FGF12: variants seen among roughly 807,000 people sequenced by gnomAD.
The protein encoded by FGF12 is fibroblast growth factor 12B.
A neutral mutation model predicts 23.6 loss-of-function variants in FGF12; 14 were observed. The ratio of observed to expected loss-of-function variants is 0.59; its 90% CI spans 0.39 to 0.93. FGF12 has a LOEUF of 0.93. FGF12 is among the 40% of genes least tolerant of loss of function. FGF12 has a pLI of 0.00. For missense variants in FGF12, 175 were observed against 217.8 expected (o/e 0.80, Z 1.24); for synonymous variants, 62 against 77.3 (o/e 0.80, Z 1.04).
chr3:192,727,024 C>T, intron 2 of FGF12, 157 bp downstream of exon 2: 1 of 892,296 alleles, frequency 1.1e-6, no homozygotes, highest in East Asian at 2.7e-5. Flanking sequence ...AGTCGCCTTC[C>T]TGCCACACTT....
At chr3:192,276,616 G>A (rs1168746691) in intron 4 of FGF12, among the ~76,000 whole-genome samples, 2 of 152,042 alleles carry the variant, frequency 1.3e-5, no homozygotes, top group South Asian at 2.1e-4. Context: ...CTGCCTCTCA[G>A]TTCCAATTTT....
chr3:192,625,499 T>G (rs573250906), intron 2 of FGF12, among the ~76,000 whole-genome samples: 4 of 152,210 alleles, frequency 2.6e-5, no homozygotes, highest in Admixed American at 2.6e-4. Flanking sequence ...TATTAAAAAT[T>G]TAAAAATGAG....
intron 4 of FGF12, among the ~76,000 whole-genome samples, chr3:192,334,189 G>A (rs1419304070): frequency 6.6e-6 from 1 of 152,080 alleles, no homozygotes; most frequent in Non-Finnish European, 1.5e-5. Context: ...CCTGTGCTTT[G>A]GGAGAGACAG....
At chr3:192,682,427 T>C (rs73195158) in intron 2 of FGF12, among the ~76,000 whole-genome samples, 248 of 152,306 alleles carry the variant, frequency 1.6e-3, no homozygotes, top group Middle Eastern at 0.01. Flanking sequence ...TGCTGTTTAC[T>C]AATAACTAGC....
At chr3:192,207,091 T>C (rs1378720066) in intron 4 of FGF12, among the ~76,000 whole-genome samples, 1 of 152,204 alleles carries the variant, frequency 6.6e-6, no homozygotes, top group Admixed American at 6.5e-5. Flanking sequence ...ATCAAAGCTA[T>C]AGGCTTTATT....
chr3:192,181,556 CT>C (rs1393425215), intron 4 of FGF12, among the ~76,000 whole-genome samples: 1 of 151,774 alleles, frequency 6.6e-6, no homozygotes, highest in Non-Finnish European at 1.5e-5. Flanking sequence ...CACGATGTAA[CT>C]CATGGTCAGT....
chr3:192,672,906 A>G (rs1717180172), intron 2 of FGF12: 1 of 150,942 alleles, frequency 6.6e-6, no homozygotes, highest in Non-Finnish European at 1.5e-5. Context: ...TAGGCAAGAC[A>G]CACTTGGAAA....
At chr3:192,183,860 C>T (rs1046949009) in intron 4 of FGF12, among the ~76,000 whole-genome samples, 1 of 152,220 alleles carries the variant, frequency 6.6e-6, no homozygotes, top group Non-Finnish European at 1.5e-5. Flanking sequence ...GGTCTGCCCT[C>T]TCTTTGCCAC....
intron 2 of FGF12, among the ~76,000 whole-genome samples, chr3:192,465,068 G>C (rs1224772553): frequency 6.6e-6 from 1 of 151,984 alleles, no homozygotes; most frequent in Non-Finnish European, 1.5e-5. Flanking sequence ...TATTTCTGTG[G>C]GTGTATAATA....
At chr3:192,313,755 A>G (rs774974866) in intron 4 of FGF12, among the ~76,000 whole-genome samples, 1 of 152,202 alleles carries the variant, frequency 6.6e-6, no homozygotes, top group Non-Finnish European at 1.5e-5. Flanking sequence ...CTATGTATGC[A>G]TATCTATGCT....
At chr3:192,588,202 T>C (rs1653545321) in intron 2 of FGF12, among the ~76,000 whole-genome samples, 1 of 150,074 alleles carries the variant, frequency 6.7e-6, no homozygotes, top group African/African-American at 2.4e-5. Context: ...TACAAAAAAT[T>C]AGCCGGGTGT....
At chr3:192,358,289 TGGTA>T (rs1560083906) in intron 3 of FGF12, among the ~76,000 whole-genome samples, 1 of 152,004 alleles carries the variant, frequency 6.6e-6, no homozygotes, top group African/African-American at 2.4e-5. Context: ...TTAAAGCTAG[TGGTA>T]GGTATCCAGA....
At chr3:192,665,593 C>T (rs1219880948) in intron 2 of FGF12, among the ~76,000 whole-genome samples, 2 of 78,578 alleles carry the variant, frequency 2.5e-5, no homozygotes, top group East Asian at 3.3e-4. Context: ...ACGTCACACA[C>T]GGGGGCCTTT....
chr3:192,645,230 C>T lies in FGF12; in HGVS notation c.13+81951G>A, dbSNP rs146334734. Among the ~76,000 whole-genome samples the T allele has an allele frequency of 4.0e-3, 613 of 151,940 alleles. 6 individuals carry two copies. The highest frequency in any genetic ancestry group is 0.014 in the African/African-American group (587 of 41,428). The stretch of plus-strand genomic sequence containing the variant: ...ACTATTAGATTTAGAAAGCTCACAG[C>T]GGTGTGAGGTATGAATTAAATAAGA... On this transcript the variant is annotated intron_variant, in intron 2 of 5. Transcript: ENST00000445105.
chr3:192,631,276 G>T (rs1044582508), intron 2 of FGF12, among the ~76,000 whole-genome samples: 1 of 152,116 alleles, frequency 6.6e-6, no homozygotes, highest in Non-Finnish European at 1.5e-5. Flanking sequence ...TAGGTCCTAC[G>T]ACTCTGATGC....
intron 2 of FGF12, among the ~76,000 whole-genome samples, chr3:192,649,846 C>T (rs1369096910): frequency 1.3e-5 from 2 of 152,040 alleles, no homozygotes; most frequent in Admixed American, 6.5e-5. Context: ...CAGGTGTGGT[C>T]CCTGGCCTTT....
chr3:192,550,875 T>C (rs1711511920), intron 2 of FGF12, among the ~76,000 whole-genome samples: 1 of 152,224 alleles, frequency 6.6e-6, no homozygotes, highest in African/African-American at 2.4e-5. Flanking sequence ...TACCTTTTTC[T>C]CTCTCTTTAC....
chr3:192,570,891 G>T (rs1001036281), intron 2 of FGF12, among the ~76,000 whole-genome samples: 1 of 152,130 alleles, frequency 6.6e-6, no homozygotes, highest in Non-Finnish European at 1.5e-5. Context: ...ATTCTAAGCT[G>T]GAAGCTCACT....
intron 2 of FGF12, among the ~76,000 whole-genome samples, chr3:192,581,436 ATGTATATATATGTGTG>A (rs1713133942): frequency 1.4e-5 from 2 of 145,908 alleles, no homozygotes; most frequent in South Asian, 2.2e-4. Context: ...GTATATATAT[ATGTATATATATGTGTG>A]TGTATATATA....
Sources: allele counts gnomAD v4.1 joint callset (sites outside exome capture counted in the v4.1 genomes callset), GRCh38; gene constraint gnomAD v4.1.1; transcripts MANE v1.5; gene names NCBI Gene and HGNC (gene_info 2026-07-23, HGNC 2026-07-21).